SEMA3E: variants seen among roughly 807,000 people sequenced by gnomAD.
The protein encoded by SEMA3E is semaphorin-3E.
SEMA3E carries 49 observed loss-of-function variants against 93.6 expected under a neutral mutation model. That is an observed-to-expected ratio of 0.52 (90% CI 0.42 to 0.66). SEMA3E has a LOEUF of 0.66. Ranked by LOEUF, SEMA3E falls within the 30% of genes least tolerant of loss-of-function variation. SEMA3E has a pLI of 0.00. For synonymous variants in SEMA3E, 363 were observed against 330.7 expected, an observed-to-expected ratio of 1.10 and a Z score of -1.06; for missense variants, 906 against 964.8, an observed-to-expected ratio of 0.94 and a Z score of 0.81.
At chr7:83,447,110 G>A (rs1394184739) in intron 4 of SEMA3E, among the ~76,000 whole-genome samples, 1 of 152,128 alleles carries the variant, frequency 6.6e-6, no homozygotes, top group African/African-American at 2.4e-5. Flanking sequence ...TGAGAGAACA[G>A]CTTGTTAATT....
chr7:83,377,658 T>C (rs1787675415), intron 16 of SEMA3E, among the ~76,000 whole-genome samples: 1 of 152,002 alleles, frequency 6.6e-6, no homozygotes. Flanking sequence ...ACAGAACATT[T>C]AAAATGTGTA....
intron 2 of SEMA3E, among the ~76,000 whole-genome samples, chr7:83,477,983 C>G (rs1214608207): frequency 6.6e-6 from 1 of 151,608 alleles, no homozygotes; most frequent in African/African-American, 2.4e-5. Flanking sequence ...TGCAATGGCA[C>G]AATCTCGGCT....
At chr7:83,574,518 T>A (rs1285839808) in intron 1 of SEMA3E, among the ~76,000 whole-genome samples, 1 of 151,074 alleles carries the variant, frequency 6.6e-6, no homozygotes, top group Non-Finnish European at 1.5e-5. Flanking sequence ...GCCACAATAA[T>A]TCAGTTCCTG....
At chr7:83,554,717 C>T (rs1791847646) in intron 1 of SEMA3E, among the ~76,000 whole-genome samples, 1 of 152,184 alleles carries the variant, frequency 6.6e-6, no homozygotes, top group African/African-American at 2.4e-5. Context: ...TGGCTCACTA[C>T]TGTAATCCCA....
intron 1 of SEMA3E, among the ~76,000 whole-genome samples, chr7:83,635,206 C>T (rs1793858291): frequency 6.6e-6 from 1 of 151,424 alleles, no homozygotes; most frequent in Non-Finnish European, 1.5e-5. Context: ...ATTTATTTTG[C>T]TTAGGATCAG....
chr7:83,381,566 A>G (rs1465255321), intron 16 of SEMA3E, among the ~76,000 whole-genome samples: 1 of 151,774 alleles, frequency 6.6e-6, no homozygotes, highest in African/African-American at 2.4e-5. Context: ...TCATTATCTG[A>G]TATATTTAAT....
Position 83,365,869 on chromosome 7 carries a change from G to C in SEMA3E, c.*1717C>G, listed in dbSNP as rs181281401. 1.2e-3 allele frequency: 189 copies of C among 152,120 alleles called. 1 individual carries two copies. The highest frequency in any genetic ancestry group is 4.3e-3 in the African/African-American group (178 of 41,520). The allele number at this position is 152,120 out of a possible 1,614,324, so 9.4% of individuals were successfully genotyped here. On this transcript the variant is annotated 3_prime_UTR_variant, in exon 17 of 17. Coordinates refer to ENST00000643230, the MANE Select transcript of SEMA3E (RefSeq NM_012431.3). ...GGTTCTATTTCTCCAAATTGAGCAG[G>C]CTTTTACTGAATATAGTTTTTAAAA...
intron 10 of SEMA3E, among the ~76,000 whole-genome samples, chr7:83,401,763 C>G (rs768936132): frequency 6.6e-6 from 1 of 151,930 alleles, no homozygotes; most frequent in Non-Finnish European, 1.5e-5. Flanking sequence ...TGCAAGTAAT[C>G]GTGGAATCAG....
chr7:83,639,371 T>C (rs1231177078), intron 1 of SEMA3E, among the ~76,000 whole-genome samples: 1 of 152,182 alleles, frequency 6.6e-6, no homozygotes, highest in East Asian at 1.9e-4. Flanking sequence ...TATTTAGCAG[T>C]AGCTCTGAAC....
chr7:83,628,694 T>G (rs1161581490), intron 1 of SEMA3E, among the ~76,000 whole-genome samples: 2 of 152,024 alleles, frequency 1.3e-5, no homozygotes, highest in African/African-American at 2.4e-5. Context: ...TAACCTTTTA[T>G]CAAGGTTCTT....
rs141938991 is a variant in SEMA3E at position 83,532,286 on chromosome 7, T to C, written c.116-42012A>G. On this transcript the variant is annotated intron_variant, in intron 1 of 16. Transcript: ENST00000643230. ...GAGAGATAATTGGCAGATAAGACTT[T>C]AGGAAATCCATACTCCACTGTCTTT... Among the ~76,000 whole-genome samples the C allele has an allele frequency of 3.1e-3, 478 of 152,312 alleles. 3 individuals are homozygous for C. Among genetic ancestry groups the C allele is most frequent in the African/African-American group, 8.2e-3 (342 of 41,576 alleles).
intron 1 of SEMA3E, among the ~76,000 whole-genome samples, chr7:83,504,643 A>G (rs1195097575): frequency 8.5e-5 from 13 of 152,196 alleles, no homozygotes; most frequent in Non-Finnish European, 1.5e-4. Context: ...CTAAGCTGCT[A>G]ACCAAATTCT....
chr7:83,399,527 C>T (rs1788194678), intron 11 of SEMA3E, among the ~76,000 whole-genome samples: 1 of 152,112 alleles, frequency 6.6e-6, no homozygotes, highest in African/African-American at 2.4e-5. Flanking sequence ...ACAAAATCTC[C>T]AGGACTCGCT....
intron 4 of SEMA3E, chr7:83,424,961 A>T (rs897454867): frequency 2.7e-5 from 7 of 262,250 alleles, no homozygotes; most frequent in Non-Finnish European, 4.6e-5. Context: ...CTCCAGTGAC[A>T]ATGTAGCTGA....
At chr7:83,453,402 T>C (rs1789404484) in intron 4 of SEMA3E, among the ~76,000 whole-genome samples, 1 of 140,820 alleles carries the variant, frequency 7.1e-6, no homozygotes, top group African/African-American at 2.6e-5. Flanking sequence ...ATGCGTAAAA[T>C]AATCCCATTC....
chr7:83,580,133 G>A (rs994667461), intron 1 of SEMA3E, among the ~76,000 whole-genome samples: 17 of 151,952 alleles, frequency 1.1e-4, no homozygotes, highest in African/African-American at 4.1e-4. Context: ...TAATGAAGTC[G>A]ATGACATCTT....
chr7:83,582,075 G>A (rs1428554927), intron 1 of SEMA3E, among the ~76,000 whole-genome samples: 6 of 151,716 alleles, frequency 4.0e-5, no homozygotes, highest in Non-Finnish European at 7.4e-5. Context: ...CCCAAGTCAC[G>A]GGGAGAATAT....
chr7:83,575,748 A>T (rs1453045625), intron 1 of SEMA3E, among the ~76,000 whole-genome samples: 1 of 152,156 alleles, frequency 6.6e-6, no homozygotes, highest in Non-Finnish European at 1.5e-5. Context: ...GCTTTTGATT[A>T]ATTGAAAAAG....
intron 2 of SEMA3E, among the ~76,000 whole-genome samples, chr7:83,479,186 A>G (rs909369988): frequency 1.1e-4 from 17 of 152,126 alleles, no homozygotes; most frequent in African/African-American, 3.9e-4. Context: ...TCATTATTCT[A>G]TACTGCTCTA....
Sources: allele counts gnomAD v4.1 joint callset (sites outside exome capture counted in the v4.1 genomes callset), GRCh38; gene constraint gnomAD v4.1.1; transcripts MANE v1.5; gene names NCBI Gene and HGNC (gene_info 2026-07-23, HGNC 2026-07-21).